QPRT: variants seen among roughly 807,000 people sequenced by gnomAD.
QPRT encodes the protein quinolinate phosphoribosyltransferase, also known as nicotinate-nucleotide pyrophosphorylase [carboxylating].
QPRT carries 17 observed loss-of-function variants against 19.8 expected under a neutral mutation model. The observed-to-expected ratio is 0.86, with a 90% CI of 0.59 to 1.29. The LOEUF (loss-of-function observed/expected upper bound fraction) is 1.29, where lower values mean the gene tolerates loss of function less well. Among genes scored for constraint, QPRT ranks in the 50% most tolerant of loss-of-function variants. QPRT has a pLI of 0.00. For missense variants in QPRT, 336 were observed against 405.1 expected, an observed-to-expected ratio of 0.83 and a Z score of 1.46; for synonymous variants, 178 against 191.0, an observed-to-expected ratio of 0.93 and a Z score of 0.56.
rs767025196 is a variant in QPRT, at chr16:29,695,131, C to T, written c.481C>T (p.Arg161Cys). 9 of 1,586,946 alleles carry T rather than the reference C, an allele frequency of 5.7e-6. No homozygotes were observed. Among genetic ancestry groups the T allele is most frequent in the African/African-American group, 1.3e-5 (1 of 74,856 alleles). The change falls in exon 2 of 4, where the codon CGC becomes TGC. Residue 161 changes from arginine (R) to cysteine (C), a missense_variant. Arg to Cys is a radical substitution (Grantham distance 180). Transcript: ENST00000395384. ...GLLVGGAASH[R>C]YDLGGLVMVK... ...CCTGGTGGGCGGGGCCGCCTCGCAC[C>T]GCTACGACCTGGGAGGGCTGGTGAT...
chr16:29,690,494 C>T (rs1485865878), intron 1 of QPRT, among the ~76,000 whole-genome samples: 1 of 151,902 alleles, frequency 6.6e-6, no homozygotes, highest in Non-Finnish European at 1.5e-5. Flanking sequence ...ATAAGTGATC[C>T]TTTTTCTTTG....
At chr16:29,692,630 G>A (rs894530525) in intron 1 of QPRT, among the ~76,000 whole-genome samples, 4 of 151,978 alleles carry the variant, frequency 2.6e-5, no homozygotes, top group African/African-American at 9.7e-5. Context: ...CATTGATAAA[G>A]GCATGCAATG....
At chr16:29,695,304 C>G in intron 2 of QPRT, 105 bp downstream of exon 2, 1 of 1,294,500 alleles carries the variant, frequency 7.7e-7, no homozygotes. Context: ...CAGCCATGGC[C>G]TGGAGTCAGC....
Position 29,694,760 on chromosome 16 carries a change from G to A in QPRT, c.110G>A (p.Ser37Asn), listed in dbSNP as rs764044988. The change falls in exon 2 of 4, where the codon AGC (serine) becomes AAC (asparagine). Residue 37 changes from serine (S) to asparagine (N), a missense_variant. Coordinates refer to ENST00000395384, the MANE Select transcript of QPRT (RefSeq NM_014298.6). ...CPGLNYAALV[S>N]GAGPSQAALW... ...GGGCTCAACTACGCAGCCTTGGTCA[G>A]CGGGGCAGGCCCCTCGCAGGCGGCG... 6.2e-6 allele frequency: 10 copies of A among 1,612,772 alleles called. No homozygotes were observed. Among genetic ancestry groups the A allele is most frequent in the Middle Eastern group, 3.3e-4 (2 of 6,080 alleles).
intron 1 of QPRT, among the ~76,000 whole-genome samples, chr16:29,688,953 G>A (rs1159385767): frequency 6.7e-6 from 1 of 150,310 alleles, no homozygotes; most frequent in Non-Finnish European, 1.5e-5. Context: ...GCTAATTTTT[G>A]TATTTTTAGG....
At chr16:29,691,262 G>T (rs1374811506) in intron 1 of QPRT, among the ~76,000 whole-genome samples, 1 of 150,020 alleles carries the variant, frequency 6.7e-6, no homozygotes, top group Non-Finnish European at 1.5e-5. Flanking sequence ...CTACTTGGGA[G>T]GCTGAGGCAG....
chr16:29,682,044 C>T (rs1050212901), intron 1 of QPRT, among the ~76,000 whole-genome samples: 10 of 151,252 alleles, frequency 6.6e-5, no homozygotes, highest in African/African-American at 9.7e-5. Context: ...GTTTTTTAGA[C>T]GGGGTCTTGT....
intron 1 of QPRT, among the ~76,000 whole-genome samples, chr16:29,688,217 G>T (rs184029327): frequency 2.1e-3 from 327 of 152,162 alleles, no homozygotes; most frequent in African/African-American, 6.4e-3. Flanking sequence ...AAGCACTGGG[G>T]GTTGGGGGTA....
chr16:29,696,760 G>A (rs1345052365), intron 2 of QPRT: 2 of 450,760 alleles, frequency 4.4e-6, no homozygotes, highest in East Asian at 4.1e-5. Context: ...CAGCCTGGGC[G>A]ACAGGTTGAG....
chr16:29,695,068 ACCACG>A lies in QPRT; in HGVS notation c.422_426del (p.Thr141ArgfsTer31), dbSNP rs1227311344. ...TGGGCACGTGGCAGGCACGAGGAAGACCACGCCAGGCTTCCGGCTGGTGGAGAAGT... is the reference window on the plus strand; with the variant it reads ...TGGGCACGTGGCAGGCACGAGGAAGACCAGGCTTCCGGCTGGTGGAGAAGT... On this transcript the variant is annotated frameshift_variant, in exon 2 of 4. Coordinates refer to ENST00000395384, the MANE Select transcript of QPRT (RefSeq NM_014298.6). LOFTEE classifies it high-confidence loss of function. The A allele has an allele frequency of 1.9e-6, 3 of 1,606,476 alleles. No individual in the cohort carries two copies. In the South Asian group the frequency reaches 3.3e-5, roughly 18 times the overall value.
intron 1 of QPRT, among the ~76,000 whole-genome samples, chr16:29,686,111 C>T (rs1342633900): frequency 1.3e-5 from 2 of 152,250 alleles, no homozygotes; most frequent in South Asian, 2.1e-4. Context: ...CGGCCCACCT[C>T]GGCCTCCCAA....
At position 29,688,546 on chromosome 16, in the gene QPRT, G is replaced by C. The variant is rs148372551; in HGVS notation, c.14-6118G>C. Among the ~76,000 whole-genome samples the C allele has an allele frequency of 1.4e-4, 22 of 152,230 alleles. 1 individual carries two copies. In the East Asian group the frequency reaches 4.1e-3, roughly 28 times the overall value. ...TGTTTATTAATTTATTTAAGACAGA[G>C]TCTCACTCTGTCGCCCAGGCTGGAG... On this transcript the variant is annotated intron_variant, in intron 1 of 3. Transcript: ENST00000395384.
intron 1 of QPRT, among the ~76,000 whole-genome samples, chr16:29,691,364 CAAAAAA>C (rs537664108): frequency 5.2e-3 from 270 of 51,872 alleles, no homozygotes; most frequent in East Asian, 0.031. Context: ...AGCTCTGCAT[CAAAAAA>C]AAAAAAAAAA....
At chr16:29,681,768 G>C (rs191014087) in intron 1 of QPRT, among the ~76,000 whole-genome samples, 27 of 151,006 alleles carry the variant, frequency 1.8e-4, no homozygotes, top group Admixed American at 3.3e-4. Context: ...CTGTCACCAG[G>C]CTGGAGTGCA....
Position 29,694,685 on chromosome 16 carries a change from C to T in QPRT, c.35C>T (p.Pro12Leu). 6.5e-7 allele frequency: 1 copy of T among 1,549,032 alleles called. No individual in the cohort carries two copies. The highest frequency in any genetic ancestry group is 1.2e-5 in the South Asian group (1 of 80,696). Residue 12 changes from proline (P) to leucine (L), a missense_variant, in exon 2 of 4, where the codon CCC becomes CTC. By Grantham distance (98) the Pro-to-Leu change is moderately conservative. Coordinates refer to ENST00000395384, the MANE Select transcript of QPRT (RefSeq NM_014298.6). ...CCAGGCCTGGCGCTGCTGCTGCCGC[C>T]CGTCACCCTGGCAGCCCTGGTGGAC... ...DAEGLALLLP[P>L]VTLAALVDSW...
In QPRT at chr16:29,694,747, G is replaced by T; in HGVS notation, c.97G>T (p.Ala33Ser). ...AGAGGACTGCCCAGGGCTCAACTACGCAGCCTTGGTCAGCGGGGCAGGCCC... is the reference window on the plus strand; with the variant it reads ...AGAGGACTGCCCAGGGCTCAACTACTCAGCCTTGGTCAGCGGGGCAGGCCC... ...LREDCPGLNY[A>S]ALVSGAGPSQ... The change falls in exon 2 of 4, where the codon GCA (alanine) becomes TCA (serine). Residue 33 changes from alanine to serine, a missense_variant. Coordinates refer to ENST00000395384, the MANE Select transcript of QPRT (RefSeq NM_014298.6). 6.2e-7 allele frequency: 1 copy of T among 1,610,154 alleles called. No homozygotes were observed. Among genetic ancestry groups the T allele is most frequent in the Non-Finnish European group, 8.5e-7 (1 of 1,177,948 alleles).
chr16:29,679,044 C>A, upstream of QPRT: 1 of 1,340,976 alleles, frequency 7.5e-7, no homozygotes. Flanking sequence ...GCAGGCCTGG[C>A]AGAGGACAGG....
At position 29,696,928 on chromosome 16, in the gene QPRT, G is replaced by A. The variant is rs1051922720; in HGVS notation, c.550-68G>A. The A allele has an allele frequency of 1.9e-5, 28 of 1,500,246 alleles. No homozygotes were observed. The Admixed American group carries it at 2.0e-4, about 11-fold the overall frequency. The allele number at this position is 1,500,246 out of a possible 1,614,324, so 92.9% of individuals were successfully genotyped here. ...GCCCTATCGTCACCCTCGCCCTCCC[G>A]GCTCCCTGCGCCCCAGTGCCAGGTG... On this transcript the variant is annotated intron_variant, in intron 2 of 3. Transcript: ENST00000395384.
In QPRT at chr16:29,691,460, G is replaced by A. The variant is rs114784069; in HGVS notation, c.14-3204G>A. 9.7e-3 allele frequency among the ~76,000 whole-genome samples: 1,455 copies of A among 150,480 alleles called. 25 individuals carry two copies. The highest frequency in any genetic ancestry group is 0.034 in the African/African-American group (1,390 of 40,890). On this transcript the variant is annotated intron_variant, in intron 1 of 3. Transcript: ENST00000395384. ...TTTGAGAGGCTGAGGTGCGAGGATTGCTTAAGCCTGGGAGTTCAAGACGAG... is the reference window on the plus strand; with the variant it reads ...TTTGAGAGGCTGAGGTGCGAGGATTACTTAAGCCTGGGAGTTCAAGACGAG...
Sources: gnomAD v4.1 joint callset for allele counts (sites outside exome capture counted in the v4.1 genomes callset) on GRCh38, gnomAD v4.1.1 for gene constraint, MANE v1.5 for transcripts, NCBI Gene and HGNC (gene_info 2026-07-23, HGNC 2026-07-21) for gene names.